The following HECTD4 variants were observed in gnomAD, a reference collection of about 807,000 sequenced individuals.
HECTD4 encodes the protein probable E3 ubiquitin-protein ligase HECTD4.
In HECTD4, 114 loss-of-function variants were observed where a neutral mutation model predicts 471.5. That is an observed-to-expected ratio of 0.24 (90% confidence interval 0.21 to 0.28). HECTD4 has a LOEUF of 0.28. HECTD4 is among the 10% of genes least tolerant of loss of function. HECTD4 has a pLI of 1.00. For synonymous variants in HECTD4, 2,012 were observed against 2,256.0 expected, an observed-to-expected ratio of 0.89 and a Z score of 3.07; for missense variants, 3,866 against 5,651.5, an observed-to-expected ratio of 0.68 and a Z score of 10.13.
chr12:112,323,387 G>A (rs1028495016), intron 1 of HECTD4, among the ~76,000 whole-genome samples: 1 of 151,956 alleles, frequency 6.6e-6, no homozygotes, highest in African/African-American at 2.4e-5. Flanking sequence ...TAACTAATAT[G>A]AAAAATATTC....
At chr12:112,292,879 A>T (rs1000995248) in intron 7 of HECTD4, among the ~76,000 whole-genome samples, 14 of 151,674 alleles carry the variant, frequency 9.2e-5, no homozygotes, top group African/African-American at 3.4e-4. Context: ...AAATTTAGCC[A>T]GGGGTGGTGG....
intron 7 of HECTD4, among the ~76,000 whole-genome samples, chr12:112,300,063 TC>T: frequency 6.6e-6 from 1 of 152,118 alleles, no homozygotes; most frequent in East Asian, 1.9e-4. Context: ...CGCCTACAAG[TC>T]CAGCACTTTG....
At chr12:112,222,112 C>G (rs1179238805) in intron 44 of HECTD4, among the ~76,000 whole-genome samples, 1 of 151,946 alleles carries the variant, frequency 6.6e-6, no homozygotes, top group Non-Finnish European at 1.5e-5. Flanking sequence ...TTAGTAGAGA[C>G]GGGGTTTCAC....
chr12:112,325,807 G>A (rs2135709693), intron 1 of HECTD4, among the ~76,000 whole-genome samples: 1 of 149,830 alleles, frequency 6.7e-6, no homozygotes, highest in East Asian at 2.0e-4. Context: ...TATGTGTTTT[G>A]TTGCCGTTTT....
At chr12:112,223,442 C>T (rs760993680) in intron 44 of HECTD4, among the ~76,000 whole-genome samples, 4 of 152,134 alleles carry the variant, frequency 2.6e-5, no homozygotes, top group Non-Finnish European at 5.9e-5. Flanking sequence ...TCTTTTTAGA[C>T]AGAGTCTTGC....
Position 112,162,451 on chromosome 12 carries a change from A to G in HECTD4, c.13193T>C (p.Leu4398Pro), listed in dbSNP as rs1159922496. ...ACGAAGTTTCTCCAGCATGATTTCC[A>G]GAGAGGAGTACTGGGGAAGCTTGAT... ...FMIKLPQYSSLEIMLEKLRCA... is the reference protein window; with the variant it reads ...FMIKLPQYSSPEIMLEKLRCA... Residue 4398 changes from leucine (L) to proline (P), a missense_variant, in exon 76 of 76, where the codon CTG becomes CCG. Coordinates refer to ENST00000682272, the MANE Select transcript of HECTD4 (RefSeq NM_001388303.1). This position sits in a 1 kb window ranked among gnomAD's most constrained non-coding sequence, Gnocchi z 5.2. 1.2e-6 allele frequency: 2 copies of G among 1,614,020 alleles called. No homozygotes were observed. The highest frequency in any genetic ancestry group is 1.7e-6 in the Non-Finnish European group (2 of 1,179,886).
intron 3 of HECTD4, among the ~76,000 whole-genome samples, chr12:112,313,569 G>A (rs1019814137): frequency 6.9e-6 from 1 of 144,682 alleles, no homozygotes; most frequent in African/African-American, 2.6e-5. Flanking sequence ...TTCACTGCAA[G>A]CTCCACCTCC....
chr12:112,200,496 TG>T (rs2032389368), intron 55 of HECTD4, 141 bp downstream of exon 55: 2 of 870,210 alleles, frequency 2.3e-6, no homozygotes, highest in African/African-American at 1.7e-5. Flanking sequence ...GCAATTTTGC[TG>T]TTATCTTTAT....
At chr12:112,323,216 T>TA (rs2035621054) in intron 1 of HECTD4, 1 of 152,068 alleles carries the variant, frequency 6.6e-6, no homozygotes. Context: ...TAAAAATAAA[T>TA]AAATAAAATA....
chr12:112,224,293 T>G (rs1407954642), intron 44 of HECTD4, among the ~76,000 whole-genome samples: 1 of 149,660 alleles, frequency 6.7e-6, no homozygotes, highest in Non-Finnish European at 1.5e-5. Context: ...TGAGATGGAG[T>G]CTCGCTCTGT....
In HECTD4 at chr12:112,188,815, G is replaced by A. The variant is rs554640843; in HGVS notation, c.9472+1971C>T. ...TGGGCTCTCATAGAACCTCCACAGA[G>A]GACAGGTGTCCTTGCTCCCCTCTCT... is the stretch of plus-strand genomic sequence containing the variant. On this transcript the variant is annotated intron_variant, in intron 60 of 75. Transcript: ENST00000682272. This position sits in a 1 kb window ranked among gnomAD's most constrained non-coding sequence, Gnocchi z 4.2. Among the ~76,000 whole-genome samples the A allele has an allele frequency of 1.6e-4, 24 of 152,202 alleles. No individual in the cohort carries two copies. The highest frequency in any genetic ancestry group is 2.4e-4 in the Non-Finnish European group (16 of 68,042).
At position 112,210,100 on chromosome 12, in the gene HECTD4, G is replaced by A; in HGVS notation, c.7782C>T (p.Asp2594=). ...ALPFAMASDS[D]NDAGTSIASD... ...ATGCAATACTGGTGCCAGCATCATT[G>A]TCACTGTCAGATGCCATGGCGAAAG... Residue 2594 remains aspartate, a synonymous_variant, in exon 50 of 76, where the codon GAC becomes GAT. Transcript: ENST00000682272. 1 of 1,614,038 alleles carries A rather than the reference G, an allele frequency of 6.2e-7. No individual in the cohort carries two copies. The highest frequency in any genetic ancestry group is 8.5e-7 in the Non-Finnish European group (1 of 1,179,900).
At chr12:112,282,082 C>T (rs2034655349) in intron 8 of HECTD4, among the ~76,000 whole-genome samples, 1 of 152,016 alleles carries the variant, frequency 6.6e-6, no homozygotes, top group South Asian at 2.1e-4. Flanking sequence ...TTAAGAACTC[C>T]TACTTTAAAA....
At chr12:112,212,272 C>T (rs1392857631) in intron 49 of HECTD4, among the ~76,000 whole-genome samples, 1 of 152,190 alleles carries the variant, frequency 6.6e-6, no homozygotes, top group African/African-American at 2.4e-5. Flanking sequence ...GGCAATGAAG[C>T]ACTAAGTTCC....
Position 112,306,215 on chromosome 12 carries a change from A to G in HECTD4, c.1184T>C (p.Met395Thr). 6.3e-7 allele frequency: 1 copy of G among 1,578,354 alleles called. No individual in the cohort carries two copies. The highest frequency in any genetic ancestry group is 8.6e-7 in the Non-Finnish European group (1 of 1,166,002). ...GCCAATGGGGAGGTGATTGGCTGGC[A>G]TTGGCACCACCTGGCACACCTGGGC... ...NTLQVCQVVPMPANHLPIGST... is the reference protein window; with the variant it reads ...NTLQVCQVVPTPANHLPIGST... The change falls in exon 7 of 76, where the codon ATG becomes ACG. Residue 395 changes from methionine to threonine, a missense_variant. This residue lies in a region of HECTD4 where 440 missense variants were observed against 636.0 expected (regional missense o/e 0.69). Transcript: ENST00000682272.
At chr12:112,226,789 A>G in intron 43 of HECTD4, 31 bp from the exon 44 acceptor site, 1 of 1,498,948 alleles carries the variant, frequency 6.7e-7, no homozygotes, top group Non-Finnish European at 9.2e-7. Context: ...AATATTTCAA[A>G]GTCATCAGTG....
chr12:112,261,471 T>C, intron 17 of HECTD4, 42 bp from the exon 18 acceptor site: 10 of 1,544,164 alleles, frequency 6.5e-6, no homozygotes, highest in East Asian at 2.3e-5. Flanking sequence ...AGCTTTGTGA[T>C]GAACATACGT....
intron 1 of HECTD4, among the ~76,000 whole-genome samples, chr12:112,366,039 G>GT (rs2036551484): frequency 6.6e-6 from 1 of 152,094 alleles, no homozygotes; most frequent in Non-Finnish European, 1.5e-5. Context: ...GCCTCCCAAA[G>GT]TGCTGGGATT....
intron 20 of HECTD4, chr12:112,258,251 C>T (rs1199984361): frequency 3.1e-6 from 1 of 318,248 alleles, no homozygotes; most frequent in Non-Finnish European, 5.7e-6. Context: ...TACATCCCCA[C>T]TATTAGCATA....
Sources: gnomAD v4.1 joint callset for allele counts (sites outside exome capture counted in the v4.1 genomes callset) on GRCh38, gnomAD v4.1.1 for gene constraint, gnomAD v4.1.1 regional missense constraint, Gnocchi (gnomAD v3.1) non-coding constraint, MANE v1.5 for transcripts, NCBI Gene and HGNC (gene_info 2026-07-23, HGNC 2026-07-21) for gene names.